Variants in RPL5 observed in about 807,000 individuals in gnomAD.
The protein encoded by RPL5 is large ribosomal subunit protein uL18.
A neutral mutation model predicts 38.4 loss-of-function variants in RPL5; 1 was observed. That is an observed-to-expected ratio of 0.03 (90% CI 0.01 to 0.12). The LOEUF is 0.12. Among genes scored for constraint, RPL5 ranks in the 10% least tolerant of loss-of-function variants. RPL5 has a pLI of 1.00. For synonymous variants in RPL5, 109 were observed against 121.2 expected (o/e 0.90, Z 0.66); for missense variants, 243 against 374.1 (o/e 0.65, Z 2.89).
In RPL5 at chr1:92,840,550, G is replaced by C; in HGVS notation, c.706-1G>C. ...GTACTGTTTGCTTTCCTTTGTTTCA[G>C]ATGGAGGAGATGTATAAGAAAGCTC... On this transcript the variant is annotated splice_acceptor_variant, in intron 6 of 7. Transcript: ENST00000370321. LOFTEE classifies it high-confidence loss of function. 1 of 1,611,058 alleles carries C rather than the reference G, an allele frequency of 6.2e-7. No homozygotes were observed. Among genetic ancestry groups the C allele is most frequent in the Non-Finnish European group, 8.5e-7 (1 of 1,178,126 alleles).
At chr1:92,835,835 A>G (rs776851471) in intron 4 of RPL5, among the ~76,000 whole-genome samples, 1 of 152,186 alleles carries the variant, frequency 6.6e-6, no homozygotes, top group African/African-American at 2.4e-5. Context: ...ATGTGCAGCA[A>G]GGTTGATGAC....
Position 92,837,607 on chromosome 1 carries a change from A to G in RPL5, c.679A>G (p.Ile227Val). 2 of 1,612,192 alleles carry G rather than the reference A, an allele frequency of 1.2e-6. No homozygotes were observed. The highest frequency in any genetic ancestry group is 1.1e-5 in the South Asian group (1 of 91,000). ...TTACAAGAAACAGTTCTCTCAATAC[A>G]TAAAGAACAGCGTAACTCCAGACAT... is the stretch of plus-strand genomic sequence containing the variant. ...DAYKKQFSQY[I>V]KNSVTPDMME... The change falls in exon 6 of 8, where the codon ATA becomes GTA. Residue 227 changes from isoleucine (I) to valine (V), a missense_variant. Transcript: ENST00000370321.
intron 1 of RPL5, 128 bp from the exon 2 acceptor site, chr1:92,833,261 G>T (rs527873575): frequency 8.7e-5 from 67 of 773,352 alleles, no homozygotes; most frequent in Non-Finnish European, 1.2e-4. Flanking sequence ...TGAAACCTGG[G>T]ATTCTACAAG....
chr1:92,832,433 T>C (rs766877879), intron 1 of RPL5, among the ~76,000 whole-genome samples: 5 of 152,048 alleles, frequency 3.3e-5, no homozygotes, highest in Admixed American at 6.5e-5. Context: ...CGGCCGGGCG[T>C]GAGAGGTCGC....
At chr1:92,833,066 T>G in intron 1 of RPL5, 1 of 723,964 alleles carries the variant, frequency 1.4e-6, no homozygotes, top group Non-Finnish European at 2.5e-6. Context: ...ATTGAAAGCG[T>G]TTAAAACCTT....
intron 5 of RPL5, 88 bp downstream of exon 5, chr1:92,836,480 G>A: frequency 1.6e-6 from 2 of 1,241,872 alleles, no homozygotes; most frequent in Non-Finnish European, 2.4e-6. Flanking sequence ...CCGAATTAAA[G>A]TAGCTATCAA....
chr1:92,834,165 G>A (rs949336840), intron 3 of RPL5, among the ~76,000 whole-genome samples: 1 of 152,192 alleles, frequency 6.6e-6, no homozygotes, highest in African/African-American at 2.4e-5. Flanking sequence ...AATTCCAGTA[G>A]AAGAATAGGG....
intron 6 of RPL5, 78 bp from the exon 7 acceptor site, chr1:92,840,473 C>A: frequency 9.6e-7 from 1 of 1,047,008 alleles, no homozygotes; most frequent in South Asian, 1.3e-5. Flanking sequence ...CTTAGAAGGA[C>A]AAGATAAGTT....
chr1:92,838,732 G>A (rs1261039603), intron 6 of RPL5, among the ~76,000 whole-genome samples: 1 of 152,164 alleles, frequency 6.6e-6, no homozygotes, highest in Non-Finnish European at 1.5e-5. Context: ...GAAGGAACTG[G>A]GTTGCTTAGA....
chr1:92,834,855 A>G lies in RPL5; in HGVS notation c.266A>G (p.Lys89Arg), dbSNP rs1314815534. 7 of 1,607,646 alleles carry G rather than the reference A, an allele frequency of 4.4e-6. No homozygotes were observed. The highest frequency in any genetic ancestry group is 5.9e-6 in the Non-Finnish European group (7 of 1,179,960). Residue 89 changes from lysine to arginine, a missense_variant, in exon 4 of 8, where the codon AAG (lysine) becomes AGG (arginine). By Grantham distance (26) the Lys-to-Arg change is conservative. Transcript: ENST00000370321. ...CACGAACTGCCAAAATATGGTGTGA[A>G]GGTTGGCCTGACAAATTATGCTGCA... Reference protein sequence around the residue: ...YAHELPKYGVKVGLTNYAAAY... With the variant: ...YAHELPKYGVRVGLTNYAAAY...
rs1425009353 is a variant in RPL5, at chr1:92,841,908, C to T, written c.*43C>T. On this transcript the variant is annotated 3_prime_UTR_variant, in exon 8 of 8. Transcript: ENST00000370321. ...GATTTTTTCAGATATAGATAATAAA[C>T]TTATGAACAGCAACTATTTCTGTGT... 8 of 1,404,368 alleles carry T rather than the reference C, an allele frequency of 5.7e-6. No homozygotes were observed. Among genetic ancestry groups the T allele is most frequent in the Admixed American group, 3.4e-5 (2 of 58,544 alleles). 87.0% of individuals were successfully genotyped at this position (1,404,368 alleles called of 1,614,324 possible).
upstream of RPL5, chr1:92,832,021 C>T: frequency 6.3e-7 from 1 of 1,583,476 alleles, no homozygotes; most frequent in Non-Finnish European, 8.6e-7. Flanking sequence ...ACATACTGCG[C>T]CTGCGCAAGG....
intron 3 of RPL5, 123 bp from the exon 4 acceptor site, chr1:92,834,656 T>C: frequency 7.5e-7 from 1 of 1,333,640 alleles, no homozygotes; most frequent in Non-Finnish European, 1.1e-6. Flanking sequence ...CTAAGAGTCT[T>C]AAGCATTTTA....
Position 92,832,131 on chromosome 1 carries a change from T to C in RPL5, c.3+14T>C. On this transcript the variant is annotated intron_variant, in intron 1 of 7. Coordinates refer to ENST00000370321, the MANE Select transcript of RPL5 (RefSeq NM_000969.5). ...TTCCGCAGGATGGTGAGTGGATGCC[T>C]CGGTCTCGGGGCTTTAGATGCATGG... 6.2e-7 allele frequency: 1 copy of C among 1,614,042 alleles called. No individual in the cohort carries two copies. Among genetic ancestry groups the C allele is most frequent in the South Asian group, 1.1e-5 (1 of 91,056 alleles).
Position 92,841,101 on chromosome 1 carries a change from A to G in RPL5, c.794+462A>G, listed in dbSNP as rs527727657. Among the ~76,000 whole-genome samples, 292 of 152,348 alleles carry G rather than the reference A, an allele frequency of 1.9e-3. 1 individual carries two copies. Among genetic ancestry groups the G allele is most frequent in the African/African-American group, 6.6e-3 (274 of 41,574 alleles). ...TTAATTGTGAAATGTACGATATTCT[A>G]TATTCATCATGCTGTGCAATAGAAC... On this transcript the variant is annotated intron_variant, in intron 7 of 7. Coordinates refer to ENST00000370321, the MANE Select transcript of RPL5 (RefSeq NM_000969.5).
chr1:92,839,222 G>A (rs1179288684), intron 6 of RPL5, among the ~76,000 whole-genome samples: 1 of 152,028 alleles, frequency 6.6e-6, no homozygotes, highest in Non-Finnish European at 1.5e-5. Flanking sequence ...AGCTGGGCAT[G>A]GTGGCTCACT....
intron 5 of RPL5, 135 bp from the exon 6 acceptor site, chr1:92,837,321 C>G: frequency 2.5e-6 from 2 of 804,590 alleles, no homozygotes; most frequent in Non-Finnish European, 4.5e-6. Context: ...ACTGAGCAGT[C>G]AGTAGTTGGT....
chr1:92,837,636 A>G lies in RPL5; in HGVS notation c.705+3A>G. The G allele has an allele frequency of 1.2e-6, 2 of 1,611,286 alleles. No homozygotes were observed. The highest frequency in any genetic ancestry group is 2.2e-5 in the South Asian group (2 of 90,966). ...AGAACAGCGTAACTCCAGACATGGT[A>G]AAACATTTACCTAAAAATGCCTATA... On this transcript the variant is annotated splice_donor_region_variant and intron_variant, in intron 6 of 7. Coordinates refer to ENST00000370321, the MANE Select transcript of RPL5 (RefSeq NM_000969.5).
At chr1:92,832,984 C>A (rs752021416) in intron 1 of RPL5, 1 of 731,626 alleles carries the variant, frequency 1.4e-6, no homozygotes, top group South Asian at 1.4e-5. Context: ...TCACTGATTG[C>A]TGTCTGGAGC....
Sources: gnomAD v4.1 joint callset for allele counts (sites outside exome capture counted in the v4.1 genomes callset) on GRCh38, gnomAD v4.1.1 for gene constraint, MANE v1.5 for transcripts, NCBI Gene and HGNC (gene_info 2026-07-23, HGNC 2026-07-21) for gene names.